Variants in KIF26B observed in about 807,000 individuals in gnomAD.
KIF26B encodes the protein kinesin family member 26B, also known as kinesin-like protein KIF26B.
In KIF26B, 63 loss-of-function variants were observed where a neutral mutation model predicts 151.2. The observed-to-expected ratio is 0.42, with a 90% CI of 0.34 to 0.51. KIF26B has a LOEUF of 0.51. Ranked by LOEUF, KIF26B falls within the 20% of genes least tolerant of loss-of-function variation. KIF26B has a pLI of 0.07. For synonymous variants in KIF26B, 1,357 were observed against 1,262.1 expected (o/e 1.08, Z -1.59); for missense variants, 2,813 against 2,913.6 (o/e 0.97, Z 0.79).
rs532255365 is a variant in KIF26B at position 245,540,223 on chromosome 1, AT to A, written c.1167-541del. Among the ~76,000 whole-genome samples, 5 of 152,070 alleles carry A rather than the reference AT, an allele frequency of 3.3e-5. No homozygotes were observed. The highest frequency in any genetic ancestry group is 5.9e-5 in the Non-Finnish European group (4 of 68,006). On this transcript the variant is annotated intron_variant, in intron 4 of 14. Coordinates refer to ENST00000407071, the MANE Select transcript of KIF26B (RefSeq NM_018012.4). The surrounding 1 kb of genome is among the most constrained non-coding windows in gnomAD (Gnocchi z 4.6). ...CACCCTGGTTGGAGTTCACCTTCTG[AT>A]TTGGTGGTATATTTCTAAAACCAGT... is the stretch of plus-strand genomic sequence containing the variant.
rs186893692 is a variant in KIF26B, at chr1:245,688,409, C to G, written c.5426C>G (p.Ser1809Trp). 1 of 1,503,594 alleles carries G rather than the reference C, an allele frequency of 6.7e-7. No homozygotes were observed. Among genetic ancestry groups the G allele is most frequent in the Non-Finnish European group, 8.8e-7 (1 of 1,133,086 alleles). The allele number at this position is 1,503,594 out of a possible 1,614,324, so 93.1% of individuals were successfully genotyped here. The stretch of plus-strand genomic sequence containing the variant: ...CTGCGGGCCGTCAGCGGGCGCATCT[C>G]GGAGCTGCTGCAGGGTGGCGCGGGC... ...LPLRAVSGRI[S>W]ELLQGGAGAR... The change falls in exon 12 of 15, where the codon TCG becomes TGG. Residue 1809 changes from serine to tryptophan, a missense_variant. By Grantham distance (177) the Ser-to-Trp change is radical (BLOSUM62 -3). This residue lies in a region of KIF26B where 2,060 missense variants were observed against 2,088.6 expected (regional missense o/e 0.99). Coordinates refer to ENST00000407071, the MANE Select transcript of KIF26B (RefSeq NM_018012.4).
At chr1:245,193,847 C>T (rs1669149748) in intron 2 of KIF26B, among the ~76,000 whole-genome samples, 1 of 152,194 alleles carries the variant, frequency 6.6e-6, no homozygotes, top group Non-Finnish European at 1.5e-5. Context: ...GCCAAGGCTG[C>T]CATCTGATGA....
intron 2 of KIF26B, among the ~76,000 whole-genome samples, chr1:245,169,059 G>A (rs561293209): frequency 1.4e-4 from 22 of 152,202 alleles, no homozygotes; most frequent in South Asian, 8.3e-4. Flanking sequence ...AGTCCAGAGC[G>A]CGTGATGGCT....
At chr1:245,174,200 CTT>C (rs1257397579) in intron 2 of KIF26B, among the ~76,000 whole-genome samples, 1 of 152,218 alleles carries the variant, frequency 6.6e-6, no homozygotes, top group African/African-American at 2.4e-5. Flanking sequence ...GTGTATGACT[CTT>C]TTGGAATTAG....
At chr1:245,400,104 T>C (rs571730441) in intron 3 of KIF26B, among the ~76,000 whole-genome samples, 57 of 152,270 alleles carry the variant, frequency 3.7e-4, no homozygotes, top group Admixed American at 6.5e-4. Flanking sequence ...CATGGCTTCT[T>C]TGAAGAAAAA....
intron 5 of KIF26B, among the ~76,000 whole-genome samples, chr1:245,584,923 T>C (rs1435352220): frequency 1.3e-5 from 2 of 152,192 alleles, no homozygotes; most frequent in Non-Finnish European, 2.9e-5. Flanking sequence ...CATAGAAACA[T>C]TCTTTCTTTA....
intron 2 of KIF26B, among the ~76,000 whole-genome samples, chr1:245,191,781 CA>C (rs1273140860): frequency 1.3e-5 from 2 of 152,142 alleles, no homozygotes; most frequent in Non-Finnish European, 2.9e-5. Flanking sequence ...GGGACAAAGG[CA>C]GTTGAACTGA....
chr1:245,337,114 A>C (rs1457428453), intron 2 of KIF26B, among the ~76,000 whole-genome samples: 3 of 151,842 alleles, frequency 2.0e-5, no homozygotes, highest in Non-Finnish European at 4.4e-5. Flanking sequence ...GTTTGGGAGG[A>C]TGTGGAGAGC....
intron 2 of KIF26B, among the ~76,000 whole-genome samples, chr1:245,289,419 C>G (rs1341251981): frequency 6.6e-6 from 1 of 152,104 alleles, no homozygotes; most frequent in Non-Finnish European, 1.5e-5. Flanking sequence ...ATCTAATAAA[C>G]ATTTATTATT....
At chr1:245,210,007 T>C (rs866320470) in intron 2 of KIF26B, among the ~76,000 whole-genome samples, 1 of 152,208 alleles carries the variant, frequency 6.6e-6, no homozygotes, top group Non-Finnish European at 1.5e-5. Flanking sequence ...GCCAGAATGA[T>C]CAAGCTCTCC....
chr1:245,575,012 C>A (rs2043104102), intron 5 of KIF26B, among the ~76,000 whole-genome samples: 1 of 151,006 alleles, frequency 6.6e-6, no homozygotes, highest in South Asian at 2.1e-4. Flanking sequence ...CTACAGGCGC[C>A]CGCCACCACA....
intron 12 of KIF26B, among the ~76,000 whole-genome samples, chr1:245,690,993 T>C (rs1444678040): frequency 6.6e-6 from 1 of 152,212 alleles, no homozygotes; most frequent in African/African-American, 2.4e-5. Flanking sequence ...ACTCTTGTTA[T>C]TCTAATCCAC....
At chr1:245,388,601 C>T (rs940715035) in intron 3 of KIF26B, among the ~76,000 whole-genome samples, 1 of 152,190 alleles carries the variant, frequency 6.6e-6, no homozygotes, top group African/African-American at 2.4e-5. Context: ...GTCTGCCTCC[C>T]GCCTTCCCTA....
intron 2 of KIF26B, among the ~76,000 whole-genome samples, chr1:245,193,986 C>T (rs1669151908): frequency 6.6e-6 from 1 of 152,192 alleles, no homozygotes; most frequent in East Asian, 1.9e-4. Context: ...CTTTTTGCTG[C>T]TGACTGATCA....
intron 3 of KIF26B, among the ~76,000 whole-genome samples, chr1:245,384,633 C>A (rs1432780360): frequency 6.6e-6 from 1 of 152,206 alleles, no homozygotes; most frequent in Non-Finnish European, 1.5e-5. Context: ...TTGATAGAAA[C>A]AGACAGTACC....
intron 3 of KIF26B, among the ~76,000 whole-genome samples, chr1:245,390,502 C>T (rs1013093845): frequency 1.3e-5 from 2 of 152,106 alleles, no homozygotes; most frequent in Non-Finnish European, 1.5e-5. Flanking sequence ...TGCGCCCAGC[C>T]TACTTGAGTT....
rs940700584 is a variant in KIF26B at position 245,375,025 on chromosome 1, TA to T, written c.999+7662del. On this transcript the variant is annotated intron_variant, in intron 3 of 14. Coordinates refer to ENST00000407071, the MANE Select transcript of KIF26B (RefSeq NM_018012.4). This position sits in a 1 kb window ranked among gnomAD's most constrained non-coding sequence, Gnocchi z 4.2. The stretch of plus-strand genomic sequence containing the variant: ...TCTGTGGATGTGTTACCTTACATGG[TA>T]AAAGGGCCTCAGCAGATGTGATTAA... Among the ~76,000 whole-genome samples, 2 of 152,140 alleles carry T rather than the reference TA, an allele frequency of 1.3e-5. No homozygotes were observed. Among genetic ancestry groups the T allele is most frequent in the Non-Finnish European group, 2.9e-5 (2 of 68,030 alleles).
At chr1:245,476,768 C>T (rs769660339) in intron 4 of KIF26B, among the ~76,000 whole-genome samples, 16 of 151,592 alleles carry the variant, frequency 1.1e-4, no homozygotes, top group Admixed American at 3.9e-4. Context: ...TCAAGTGATC[C>T]GCCTGCCTTA....
At chr1:245,235,217 T>C (rs1194284815) in intron 2 of KIF26B, among the ~76,000 whole-genome samples, 1 of 152,174 alleles carries the variant, frequency 6.6e-6, no homozygotes, top group Non-Finnish European at 1.5e-5. Flanking sequence ...TCAAAGGCCA[T>C]AGTTAATTAA....
Sources: gnomAD v4.1 joint callset for allele counts (sites outside exome capture counted in the v4.1 genomes callset) on GRCh38, gnomAD v4.1.1 for gene constraint, gnomAD v4.1.1 regional missense constraint, Gnocchi (gnomAD v3.1) non-coding constraint, MANE v1.5 for transcripts, NCBI Gene and HGNC (gene_info 2026-07-23, HGNC 2026-07-21) for gene names.